DLG2: variants seen among roughly 807,000 people sequenced by gnomAD.
DLG2 encodes discs large MAGUK scaffold protein 2.
A neutral mutation model predicts 132.5 loss-of-function variants in DLG2; 45 were observed. The observed-to-expected ratio is 0.34, with a 90% CI of 0.27 to 0.44. The LOEUF is 0.44. Ranked by LOEUF, DLG2 falls within the 20% of genes least tolerant of loss-of-function variation. The pLI is 1.00. For missense variants in DLG2, 1,045 were observed against 1,196.9 expected, an observed-to-expected ratio of 0.87 and a Z score of 1.87; for synonymous variants, 424 against 419.6, an observed-to-expected ratio of 1.01 and a Z score of -0.13.
At chr11:85,162,503 T>A (rs2078109890) in intron 4 of DLG2, among the ~76,000 whole-genome samples, 1 of 152,258 alleles carries the variant, frequency 6.6e-6, no homozygotes, top group Admixed American at 6.5e-5. Context: ...GAATGAGGAC[T>A]GTAATTGTCA....
intron 11 of DLG2, among the ~76,000 whole-genome samples, chr11:84,013,219 C>T (rs2094981312): frequency 6.6e-6 from 1 of 152,050 alleles, no homozygotes; most frequent in African/African-American, 2.4e-5. Context: ...ATTTTGAAGC[C>T]AGCTATTATA....
At chr11:83,969,505 C>T (rs2090917971) in intron 12 of DLG2, among the ~76,000 whole-genome samples, 1 of 152,186 alleles carries the variant, frequency 6.6e-6, no homozygotes, top group African/African-American at 2.4e-5. Flanking sequence ...TCAAAACCTT[C>T]TTATACATTT....
At chr11:85,225,744 C>CCAAG (rs1202280285) in intron 4 of DLG2, among the ~76,000 whole-genome samples, 1 of 152,112 alleles carries the variant, frequency 6.6e-6, no homozygotes, top group East Asian at 1.9e-4. Context: ...TGCTGCCACT[C>CCAAG]CAGAGGTAGT....
chr11:83,937,731 T>TATAA (rs2081812497), intron 14 of DLG2, among the ~76,000 whole-genome samples: 2 of 151,830 alleles, frequency 1.3e-5, no homozygotes, highest in African/African-American at 4.8e-5. Context: ...ATAAATAACC[T>TATAA]CACTAGGAAT....
chr11:83,881,547 A>G (rs1565474711), intron 15 of DLG2, among the ~76,000 whole-genome samples: 1 of 152,200 alleles, frequency 6.6e-6, no homozygotes, highest in Non-Finnish European at 1.5e-5. Flanking sequence ...TGATTATAAT[A>G]AGGCATAAGG....
intron 3 of DLG2, among the ~76,000 whole-genome samples, chr11:85,396,131 T>C (rs1249652320): frequency 2.0e-5 from 3 of 152,266 alleles, no homozygotes; most frequent in African/African-American, 2.4e-5. Flanking sequence ...AGTCAAACAG[T>C]GTCTGGAGTG....
rs551707311 is a variant in DLG2, at chr11:85,055,599, G to C, written c.357+56062C>G. Among the ~76,000 whole-genome samples, 7 of 152,250 alleles carry C rather than the reference G, an allele frequency of 4.6e-5. 1 individual carries two copies. Among genetic ancestry groups the C allele is most frequent in the Non-Finnish European group, 7.4e-5 (5 of 68,022 alleles). On this transcript the variant is annotated intron_variant, in intron 6 of 27. Coordinates refer to ENST00000376104, the MANE Select transcript of DLG2 (RefSeq NM_001142699.3). ...AGGGTTGAAAAGGACTCTATGACTT[G>C]ATAATTCAAGATTTTGCAGTGACAA...
chr11:85,426,142 G>A (rs527786308), intron 3 of DLG2, among the ~76,000 whole-genome samples: 18 of 152,304 alleles, frequency 1.2e-4, no homozygotes, highest in African/African-American at 3.6e-4. Context: ...CAGCAGGGAA[G>A]CTCGAACTGG....
chr11:85,516,069 C>G (rs898722286), intron 3 of DLG2, among the ~76,000 whole-genome samples: 3 of 151,940 alleles, frequency 2.0e-5, no homozygotes, highest in Non-Finnish European at 2.9e-5. Context: ...CATTGACTCT[C>G]TCTGCTAAAT....
At chr11:83,574,053 C>G (rs560693019) in intron 19 of DLG2, among the ~76,000 whole-genome samples, 83 of 152,200 alleles carry the variant, frequency 5.5e-4, no homozygotes, top group African/African-American at 1.9e-3. Context: ...TTTTCAGAGC[C>G]TGGCACATAA....
intron 8 of DLG2, among the ~76,000 whole-genome samples, chr11:84,201,405 C>A (rs1253395276): frequency 6.6e-6 from 1 of 152,094 alleles, no homozygotes. Flanking sequence ...CTGATATTTT[C>A]TTTTTTGTTG....
intron 18 of DLG2, among the ~76,000 whole-genome samples, chr11:83,747,291 C>CCTTCCTTG (rs1219068636): frequency 7.3e-6 from 1 of 137,494 alleles, no homozygotes; most frequent in Non-Finnish European, 1.6e-5. Context: ...TTCCTTCCTT[C>CCTTCCTTG]CTTCCTTCCT....
At chr11:85,351,930 A>T (rs1313380961) in intron 3 of DLG2, among the ~76,000 whole-genome samples, 1 of 152,128 alleles carries the variant, frequency 6.6e-6, no homozygotes, top group Non-Finnish European at 1.5e-5. Context: ...TCATAAAATG[A>T]GTTAGGGAGG....
chr11:85,425,094 C>G (rs1254752520), intron 3 of DLG2, among the ~76,000 whole-genome samples: 2 of 151,812 alleles, frequency 1.3e-5, no homozygotes, highest in Non-Finnish European at 2.9e-5. Flanking sequence ...AGAAGAAATA[C>G]TATATGTGAA....
intron 20 of DLG2, among the ~76,000 whole-genome samples, chr11:83,534,828 A>G (rs1414910494): frequency 6.6e-6 from 1 of 152,200 alleles, no homozygotes; most frequent in Non-Finnish European, 1.5e-5. Flanking sequence ...CTGTAATCCC[A>G]GCTACGCGGG....
At chr11:85,222,688 G>A (rs535386223) in intron 4 of DLG2, among the ~76,000 whole-genome samples, 1 of 152,178 alleles carries the variant, frequency 6.6e-6, no homozygotes, top group Non-Finnish European at 1.5e-5. Flanking sequence ...TAACTACTCT[G>A]CTATGTTTGT....
chr11:85,503,047 T>C (rs1029370254), intron 3 of DLG2, among the ~76,000 whole-genome samples: 5 of 151,950 alleles, frequency 3.3e-5, no homozygotes, highest in African/African-American at 1.2e-4. Flanking sequence ...ATAAGCATAC[T>C]CCCGTATGAA....
chr11:83,520,983 C>T (rs1440051646), intron 21 of DLG2, among the ~76,000 whole-genome samples: 1 of 152,154 alleles, frequency 6.6e-6, no homozygotes, highest in Non-Finnish European at 1.5e-5. Flanking sequence ...CTGCCAACTT[C>T]AAAGGAAATC....
At chr11:83,874,156 AAGAAAGAT>A (rs142977559) in intron 16 of DLG2, among the ~76,000 whole-genome samples, 42,243 of 150,602 alleles carry the variant, frequency 0.28, 6,243 homozygotes, top group East Asian at 0.39. Context: ...GAAGGAAAGA[AAGAAAGAT>A]AGAAAGAGAA....
Sources: gnomAD v4.1 joint callset for allele counts (sites outside exome capture counted in the v4.1 genomes callset) on GRCh38, gnomAD v4.1.1 for gene constraint, MANE v1.5 for transcripts, NCBI Gene and HGNC (gene_info 2026-07-23, HGNC 2026-07-21) for gene names.